EDA: variants seen among roughly 807,000 people sequenced by gnomAD.
The protein encoded by EDA is ectodysplasin A, also known as ectodysplasin-A.
EDA carries 2 observed loss-of-function variants against 23.6 expected under a neutral mutation model. The observed-to-expected ratio is 0.08, with a 90% CI of 0.03 to 0.27. EDA has a LOEUF of 0.27. Among genes scored for constraint, EDA ranks in the 10% least tolerant of loss-of-function variants. The pLI is 1.00. For missense variants in EDA, 229 were observed against 324.2 expected (o/e 0.71, Z 2.26); for synonymous variants, 131 against 132.0 (o/e 0.99, Z 0.05).
intron 1 of EDA, among the ~76,000 whole-genome samples, chrX:69,795,733 T>C (rs2015525287): frequency 8.9e-6 from 1 of 112,728 alleles, no homozygotes; most frequent in African/African-American, 3.2e-5. Flanking sequence ...TGAAGGCAGC[T>C]GTGCCCTCCC....
At chrX:69,722,576 C>CT (rs1257990772) in intron 1 of EDA, among the ~76,000 whole-genome samples, 1 of 111,649 alleles carries the variant, frequency 9.0e-6, no homozygotes, top group Non-Finnish European at 1.9e-5. Context: ...TTTGAAATCC[C>CT]TTTTTGTTAT....
chrX:69,678,980 T>A (rs1478915244), intron 1 of EDA, among the ~76,000 whole-genome samples: 4 of 93,190 alleles, frequency 4.3e-5, no homozygotes, highest in Non-Finnish European at 6.3e-5. Flanking sequence ...GCTCTTATTA[T>A]TTTGAAATAC....
intron 1 of EDA, among the ~76,000 whole-genome samples, chrX:69,781,113 G>T (rs2014929831): frequency 9.0e-6 from 1 of 111,532 alleles, no homozygotes; most frequent in Non-Finnish European, 1.9e-5. Context: ...TCCATTGTAT[G>T]AAAATACAAC....
At chrX:69,666,709 G>A (rs111415743) in intron 1 of EDA, among the ~76,000 whole-genome samples, 1,823 of 111,942 alleles carry the variant, frequency 0.016, 44 homozygotes, top group African/African-American at 0.056. Flanking sequence ...ATATTTTATT[G>A]AGGAGTTTTT....
At chrX:69,983,628 C>T (rs1449525856) in intron 2 of EDA, among the ~76,000 whole-genome samples, 627 of 50,780 alleles carry the variant, frequency 0.012, 8 homozygotes, top group African/African-American at 0.051. Flanking sequence ...GAGAGATCCG[C>T]TGTTAGTCTG....
chrX:69,759,230 C>A (rs1449783997), intron 1 of EDA, among the ~76,000 whole-genome samples: 1 of 111,859 alleles, frequency 8.9e-6, no homozygotes, highest in Admixed American at 9.5e-5. Context: ...TGTCATTTTT[C>A]TGTATAGTAG....
At chrX:69,751,167 T>A (rs1272508344) in intron 1 of EDA, among the ~76,000 whole-genome samples, 3 of 101,003 alleles carry the variant, frequency 3.0e-5, no homozygotes, top group Admixed American at 2.2e-4. Context: ...GGTCTAACAT[T>A]TAAGTCTTTA....
chrX:69,623,495 A>T (rs891818721), intron 1 of EDA, among the ~76,000 whole-genome samples: 2 of 111,617 alleles, frequency 1.8e-5, no homozygotes, highest in Non-Finnish European at 3.8e-5. Context: ...AAATACCATC[A>T]CATTGGTGAT....
chrX:69,884,887 A>G (rs1169169450), intron 1 of EDA, among the ~76,000 whole-genome samples: 1 of 112,263 alleles, frequency 8.9e-6, no homozygotes, highest in Non-Finnish European at 1.9e-5. Flanking sequence ...TTTTCAAGGA[A>G]CTGCCAAACT....
intron 1 of EDA, among the ~76,000 whole-genome samples, chrX:69,704,830 T>C (rs1351229681): frequency 9.0e-6 from 1 of 111,517 alleles, no homozygotes; most frequent in African/African-American, 3.3e-5. Context: ...TAAACAAAAC[T>C]GGCCATTGAA....
chrX:69,635,586 T>TTTTTTTTTG (rs1932758203), intron 1 of EDA, among the ~76,000 whole-genome samples: 12 of 84,429 alleles, frequency 1.4e-4, no homozygotes, highest in East Asian at 3.2e-4. Flanking sequence ...TTTTTTTTTT[T>TTTTTTTTTG]GACACAGAGT....
At chrX:69,935,792 C>T (rs1377996806) in intron 1 of EDA, among the ~76,000 whole-genome samples, 2 of 109,890 alleles carry the variant, frequency 1.8e-5, no homozygotes, top group African/African-American at 3.3e-5. Context: ...CTAAATATTT[C>T]ACAGTCTCTT....
chrX:69,906,910 G>A (rs1367678443), intron 1 of EDA, among the ~76,000 whole-genome samples: 2 of 112,421 alleles, frequency 1.8e-5, no homozygotes, highest in Non-Finnish European at 3.8e-5. Flanking sequence ...CAATAAGTAT[G>A]TGGAAAAGTT....
rs1569317439 is a variant in EDA, at chrX:69,749,922, C to CTTTTTTTTTTTTTT, written c.396+133232_396+133245dup. ...TTAGAAACTTCCTCTCACTAAGGTT[C>CTTTTTTTTTTTTTT]TTTTTTTTTTTTTTTTTTTTTTTTT... On this transcript the variant is annotated intron_variant, in intron 1 of 7. Transcript: ENST00000374552. Among the ~76,000 whole-genome samples the CTTTTTTTTTTTTTT allele has an allele frequency of 1.2e-4, 4 of 33,251 alleles. 2 individuals carry two copies. Among genetic ancestry groups the CTTTTTTTTTTTTTT allele is most frequent in the Admixed American group, 6.7e-4 (2 of 3,004 alleles). 28.9% of individuals were successfully genotyped at this position (33,251 alleles called of 115,157 possible). A position where few individuals can be genotyped will look rare whatever the true frequency, so the allele number is the denominator to read the frequency against.
At chrX:69,909,017 C>T (rs1368391365) in intron 1 of EDA, among the ~76,000 whole-genome samples, 1 of 110,774 alleles carries the variant, frequency 9.0e-6, no homozygotes, top group East Asian at 2.9e-4. Flanking sequence ...TTTATGATTA[C>T]TATCTCTACT....
chrX:69,916,041 A>T (rs1011757296), intron 1 of EDA, among the ~76,000 whole-genome samples: 2 of 111,953 alleles, frequency 1.8e-5, no homozygotes. Context: ...TTCAGTAGTG[A>T]TGCATGATAC....
chrX:70,029,885 G>T (rs1008138565), intron 5 of EDA, among the ~76,000 whole-genome samples: 4 of 112,300 alleles, frequency 3.6e-5, no homozygotes, highest in Admixed American at 9.4e-5. Flanking sequence ...CACCTTGCCG[G>T]CTCTCAGACC....
chrX:69,628,040 G>A (rs1932450465), intron 1 of EDA, among the ~76,000 whole-genome samples: 1 of 111,886 alleles, frequency 8.9e-6, no homozygotes, highest in East Asian at 2.8e-4. Flanking sequence ...GAGATGAAGA[G>A]TAGTTTTTAT....
Position 70,035,753 on chromosome X carries a change from A to C in EDA, c.*144A>C. ...CCCCAGTGTTATTTATTCCCCAGTG[A>C]CTCCAGGGTGACAAGGCCTGCTTGA... On this transcript the variant is annotated 3_prime_UTR_variant, in exon 8 of 8. Coordinates refer to ENST00000374552, the MANE Select transcript of EDA (RefSeq NM_001399.5). The C allele has an allele frequency of 2.6e-6, 2 of 766,144 alleles. No individual in the cohort carries two copies. The highest frequency in any genetic ancestry group is 3.8e-6 in the Non-Finnish European group (2 of 528,951). 63.1% of individuals were successfully genotyped at this position (766,144 alleles called of 1,213,427 possible). A position where few individuals can be genotyped will look rare whatever the true frequency, so the allele number is the denominator to read the frequency against.
Sources: gnomAD v4.1 joint callset for allele counts (sites outside exome capture counted in the v4.1 genomes callset) on GRCh38, gnomAD v4.1.1 for gene constraint, MANE v1.5 for transcripts, NCBI Gene and HGNC (gene_info 2026-07-23, HGNC 2026-07-21) for gene names.